ARF6: variants seen among roughly 807,000 people sequenced by gnomAD.
ARF6 encodes the protein ARF GTPase 6, also known as ADP-ribosylation factor 6.
For missense variants in ARF6, 75 were observed against 232.0 expected (o/e 0.32, Z 4.40); for synonymous variants, 127 against 95.5 (o/e 1.33, Z -1.92).
chr14:49,893,952 G>A lies in ARF6; in HGVS notation c.216G>A (p.Pro72=). 1 of 1,614,232 alleles carries A rather than the reference G, an allele frequency of 6.2e-7. No homozygotes were observed. Among genetic ancestry groups the A allele is most frequent in the Non-Finnish European group, 8.5e-7 (1 of 1,180,040 alleles). The change falls in exon 2 of 2, where the codon CCG becomes CCA. Residue 72 remains proline, a synonymous_variant. Transcript: ENST00000298316. ...TGGGCGGCCAGGACAAGATCCGGCC[G>A]CTCTGGCGGCATTACTACACTGGGA... The part of the protein sequence containing the change: ...WDVGGQDKIR[P]LWRHYYTGTQ...
chr14:49,895,962 G>A lies in ARF6; in HGVS notation c.*1698G>A, dbSNP rs1424607385. ...AGGTGGAGTGGGTTTTGTTTATGAG[G>A]GTGTCTGAAAACTAAAATTGAGCGG... On this transcript the variant is annotated 3_prime_UTR_variant, in exon 2 of 2. Transcript: ENST00000298316. 3.0e-5 allele frequency: 5 copies of A among 166,918 alleles called. No individual in the cohort carries two copies. The highest frequency in any genetic ancestry group is 7.3e-5 in the Non-Finnish European group (5 of 68,092). 10.3% of individuals were successfully genotyped at this position (166,918 alleles called of 1,614,324 possible).
At position 49,894,243 on chromosome 14, in the gene ARF6, A is replaced by C; in HGVS notation, c.507A>C (p.Leu169Phe). The C allele has an allele frequency of 1.2e-6, 2 of 1,612,498 alleles. No homozygotes were observed. Among genetic ancestry groups the C allele is most frequent in the Non-Finnish European group, 1.7e-6 (2 of 1,178,806 alleles). Residue 169 changes from leucine to phenylalanine, a missense_variant, in exon 2 of 2, where the codon TTA becomes TTC. By Grantham distance (22) the Leu-to-Phe change is conservative. Transcript: ENST00000298316. Reference protein sequence around the residue: ...GDGLYEGLTWLTSNYKS With the variant: ...GDGLYEGLTWFTSNYKS The stretch of plus-strand genomic sequence containing the variant: ...GACTCTATGAGGGGCTCACATGGTT[A>C]ACCTCTAACTACAAATCTTAATGAG...
rs555505994 is a variant in ARF6 at position 49,895,912 on chromosome 14, G to A, written c.*1648G>A. On this transcript the variant is annotated 3_prime_UTR_variant, in exon 2 of 2. Coordinates refer to ENST00000298316, the MANE Select transcript of ARF6 (RefSeq NM_001663.4). ...TTAAATAGGGAATTTCAGAAATGTA[G>A]ACTGCAAAGGCAGTATACAGGAAAA... is the stretch of plus-strand genomic sequence containing the variant. 6.0e-6 allele frequency: 1 copy of A among 167,134 alleles called. No homozygotes were observed. Among genetic ancestry groups the A allele is most frequent in the East Asian group, 1.9e-4 (1 of 5,194 alleles). 10.4% of individuals were successfully genotyped at this position (167,134 alleles called of 1,614,324 possible). A position where few individuals can be genotyped will look rare whatever the true frequency, so the allele number is the denominator to read the frequency against.
Position 49,893,133 on chromosome 14 carries a change from C to A in ARF6, c.-506C>A, listed in dbSNP as rs1038671389. On this transcript the variant is annotated 5_prime_UTR_variant, in exon 1 of 2. Coordinates refer to ENST00000298316, the MANE Select transcript of ARF6 (RefSeq NM_001663.4). The stretch of plus-strand genomic sequence containing the variant: ...AGGAGGAGTTGGAGGCCGGAGGGAG[C>A]CCGCGCTCGGGGCGGCGGCTGGAGG... 1.3e-5 allele frequency: 2 copies of A among 152,946 alleles called. No individual in the cohort carries two copies. The highest frequency in any genetic ancestry group is 2.9e-5 in the Non-Finnish European group (2 of 68,698). 9.5% of individuals were successfully genotyped at this position (152,946 alleles called of 1,614,324 possible).
rs750486060 is a variant in ARF6 at position 49,894,993 on chromosome 14, ACAT to A, written c.*733_*735del. On this transcript the variant is annotated 3_prime_UTR_variant, in exon 2 of 2. Coordinates refer to ENST00000298316, the MANE Select transcript of ARF6 (RefSeq NM_001663.4). ...AATGTCAGCAAGTAAGTTCTGAAACACATCATGCATGAGTAGGAATAAAACCCA... is the reference window on the plus strand; with the variant it reads ...AATGTCAGCAAGTAAGTTCTGAAACACATGCATGAGTAGGAATAAAACCCA... The A allele has an allele frequency of 1.0e-4, 17 of 167,140 alleles. No homozygotes were observed. Among genetic ancestry groups the A allele is most frequent in the Non-Finnish European group, 1.5e-5 (1 of 68,146 alleles). The allele number at this position is 167,140 out of a possible 1,614,324, so 10.4% of individuals were successfully genotyped here.
At position 49,894,842 on chromosome 14, in the gene ARF6, A is replaced by G. The variant is rs1166793036; in HGVS notation, c.*578A>G. The G allele has an allele frequency of 6.0e-6, 1 of 167,122 alleles. No homozygotes were observed. The highest frequency in any genetic ancestry group is 2.4e-5 in the African/African-American group (1 of 41,396). The allele number at this position is 167,122 out of a possible 1,614,324, so 10.4% of individuals were successfully genotyped here. A position where few individuals can be genotyped will look rare whatever the true frequency, so the allele number is the denominator to read the frequency against. On this transcript the variant is annotated 3_prime_UTR_variant, in exon 2 of 2. Transcript: ENST00000298316. ...ATGAGTTCTAACTTAGTAATTTCAAATGTGACCTTTTATATCTAAGACCAG... is the reference window on the plus strand; with the variant it reads ...ATGAGTTCTAACTTAGTAATTTCAAGTGTGACCTTTTATATCTAAGACCAG...
In ARF6 at chr14:49,893,606, A is replaced by G; in HGVS notation, c.-131A>G. On this transcript the variant is annotated 5_prime_UTR_variant, in exon 2 of 2. Transcript: ENST00000298316. ...GCCTGGGCCTCTGCCCTTAGGAGGC[A>G]ACTCCCACGCAGGCCGCAAAGGCGC... The G allele has an allele frequency of 1.7e-6, 2 of 1,162,728 alleles. No homozygotes were observed. Among genetic ancestry groups the G allele is most frequent in the Non-Finnish European group, 2.4e-6 (2 of 817,850 alleles). 72.0% of individuals were successfully genotyped at this position (1,162,728 alleles called of 1,614,324 possible). A position where few individuals can be genotyped will look rare whatever the true frequency, so the allele number is the denominator to read the frequency against.
rs1894485461 is a variant in ARF6 at position 49,893,946 on chromosome 14, C to T, written c.210C>T (p.Ile70=). Residue 70 remains isoleucine (I), a synonymous_variant, in exon 2 of 2, where the codon ATC becomes ATT. Transcript: ENST00000298316. ...GGGATGTGGGCGGCCAGGACAAGATCCGGCCGCTCTGGCGGCATTACTACA... is the reference window on the plus strand; with the variant it reads ...GGGATGTGGGCGGCCAGGACAAGATTCGGCCGCTCTGGCGGCATTACTACA... ...NVWDVGGQDK[I]RPLWRHYYTG... is the part of the protein sequence containing the mutation. 6.2e-7 allele frequency: 1 copy of T among 1,614,086 alleles called. No homozygotes were observed. The highest frequency in any genetic ancestry group is 8.5e-7 in the Non-Finnish European group (1 of 1,180,048).
At position 49,893,728 on chromosome 14, in the gene ARF6, T is replaced by C; in HGVS notation, c.-9T>C. The C allele has an allele frequency of 6.2e-7, 1 of 1,607,078 alleles. No individual in the cohort carries two copies. The highest frequency in any genetic ancestry group is 8.5e-7 in the Non-Finnish European group (1 of 1,174,076). On this transcript the variant is annotated 5_prime_UTR_variant, in exon 2 of 2. Transcript: ENST00000298316. ...CCTGAATGCCCCCGGCCCCGGCTCC[T>C]CCGACGCGATGGGGAAGGTGCTATC... is the stretch of plus-strand genomic sequence containing the variant.
chr14:49,894,937 T>G lies in ARF6; in HGVS notation c.*673T>G, dbSNP rs765774598. The G allele has an allele frequency of 3.6e-5, 6 of 167,144 alleles. No individual in the cohort carries two copies. The highest frequency in any genetic ancestry group is 6.5e-5 in the Admixed American group (1 of 15,278). The allele number at this position is 167,144 out of a possible 1,614,324, so 10.4% of individuals were successfully genotyped here. Reference sequence around the variant, plus strand: ...AATATGTTCCAGTTGCACCTCAGTATGTTAAACAGGTAATGTAAGAAGTTC... The same window carrying G: ...AATATGTTCCAGTTGCACCTCAGTAGGTTAAACAGGTAATGTAAGAAGTTC... On this transcript the variant is annotated 3_prime_UTR_variant, in exon 2 of 2. Transcript: ENST00000298316.
rs1239436704 is a variant in ARF6 at position 49,893,596 on chromosome 14, C to T, written c.-141C>T. On this transcript the variant is annotated 5_prime_UTR_variant, in exon 2 of 2. Coordinates refer to ENST00000298316, the MANE Select transcript of ARF6 (RefSeq NM_001663.4). ...TGAGCGGGGGGCCTGGGCCTCTGCC[C>T]TTAGGAGGCAACTCCCACGCAGGCC... The T allele has an allele frequency of 3.8e-6, 4 of 1,050,534 alleles. No homozygotes were observed. Among genetic ancestry groups the T allele is most frequent in the Non-Finnish European group, 5.5e-6 (4 of 721,200 alleles). 65.1% of individuals were successfully genotyped at this position (1,050,534 alleles called of 1,614,324 possible). A position where few individuals can be genotyped will look rare whatever the true frequency, so the allele number is the denominator to read the frequency against.
At position 49,894,409 on chromosome 14, in the gene ARF6, G is replaced by C; in HGVS notation, c.*145G>C. 1.2e-6 allele frequency: 1 copy of C among 802,352 alleles called. No homozygotes were observed. The highest frequency in any genetic ancestry group is 2.6e-5 in the South Asian group (1 of 38,240). 49.7% of individuals were successfully genotyped at this position (802,352 alleles called of 1,614,324 possible). A position where few individuals can be genotyped will look rare whatever the true frequency, so the allele number is the denominator to read the frequency against. The stretch of plus-strand genomic sequence containing the variant: ...TACTGTTCTACAGTTTGGCGGGGAC[G>C]GGGCTTGGGGGTTTTCTCTTTTGTT... On this transcript the variant is annotated 3_prime_UTR_variant, in exon 2 of 2. Coordinates refer to ENST00000298316, the MANE Select transcript of ARF6 (RefSeq NM_001663.4).
chr14:49,894,368 A>G lies in ARF6; in HGVS notation c.*104A>G. 8.1e-7 allele frequency: 1 copy of G among 1,240,996 alleles called. No homozygotes were observed. The highest frequency in any genetic ancestry group is 1.1e-6 in the Non-Finnish European group (1 of 906,026). The allele number at this position is 1,240,996 out of a possible 1,614,324, so 76.9% of individuals were successfully genotyped here. On this transcript the variant is annotated 3_prime_UTR_variant, in exon 2 of 2. Coordinates refer to ENST00000298316, the MANE Select transcript of ARF6 (RefSeq NM_001663.4). ...CAATTGCCACTTTCTCTTCTTTTGA[A>G]TTTGAACTCTGGAGTTACTGTTCTA...
chr14:49,894,320 A>G lies in ARF6; in HGVS notation c.*56A>G. The G allele has an allele frequency of 1.3e-6, 2 of 1,481,484 alleles. No homozygotes were observed. Among genetic ancestry groups the G allele is most frequent in the Non-Finnish European group, 1.8e-6 (2 of 1,104,458 alleles). 91.8% of individuals were successfully genotyped at this position (1,481,484 alleles called of 1,614,324 possible). A position where few individuals can be genotyped will look rare whatever the true frequency, so the allele number is the denominator to read the frequency against. On this transcript the variant is annotated 3_prime_UTR_variant, in exon 2 of 2. Transcript: ENST00000298316. ...GAGAAATCAAAAACCCATTCATAGG[A>G]TTATCGCCACCATCACCTCTTTCAA...
chr14:49,893,461 G>A lies in ARF6; in HGVS notation c.-276G>A, dbSNP rs2139187888. 1 of 346,164 alleles carries A rather than the reference G, an allele frequency of 2.9e-6. No individual in the cohort carries two copies. The highest frequency in any genetic ancestry group is 5.2e-6 in the Non-Finnish European group (1 of 191,646). The allele number at this position is 346,164 out of a possible 1,614,324, so 21.4% of individuals were successfully genotyped here. On this transcript the variant is annotated 5_prime_UTR_variant, in exon 2 of 2. Transcript: ENST00000298316. The stretch of plus-strand genomic sequence containing the variant: ...CGCGGCGCCTGCGGGGGGAAGGGCA[G>A]TTCCGGGCCGGGCCGCGCCTCAGCA...
chr14:49,893,973 T>C lies in ARF6; in HGVS notation c.237T>C (p.Thr79=), dbSNP rs749008836. The C allele has an allele frequency of 1.1e-5, 18 of 1,614,108 alleles. No individual in the cohort carries two copies. Among genetic ancestry groups the C allele is most frequent in the Non-Finnish European group, 1.4e-5 (16 of 1,180,052 alleles). The change falls in exon 2 of 2, where the codon ACT becomes ACC. Residue 79 remains threonine, a synonymous_variant. Coordinates refer to ENST00000298316, the MANE Select transcript of ARF6 (RefSeq NM_001663.4). The stretch of plus-strand genomic sequence containing the variant: ...GGCCGCTCTGGCGGCATTACTACAC[T>C]GGGACCCAAGGTCTCATCTTCGTAG... ...KIRPLWRHYY[T]GTQGLIFVVD...
In ARF6 at chr14:49,893,736, G is replaced by A. The variant is rs1340826321; in HGVS notation, c.-1G>A. 21 of 1,607,930 alleles carry A rather than the reference G, an allele frequency of 1.3e-5. No individual in the cohort carries two copies. Among genetic ancestry groups the A allele is most frequent in the Non-Finnish European group, 1.7e-5 (20 of 1,174,838 alleles). On this transcript the variant is annotated 5_prime_UTR_variant, in exon 2 of 2. Coordinates refer to ENST00000298316, the MANE Select transcript of ARF6 (RefSeq NM_001663.4). ...CCCCCGGCCCCGGCTCCTCCGACGC[G>A]ATGGGGAAGGTGCTATCCAAAATCT... is the stretch of plus-strand genomic sequence containing the variant.
rs1291167752 is a variant in ARF6, at chr14:49,894,468, T to A, written c.*204T>A. ...TTTCTTTTTCCTTTTTTTTTTTTTT[T>A]TTTTTTTGTTGGCTTTGCGTTAGGA... On this transcript the variant is annotated 3_prime_UTR_variant, in exon 2 of 2. Transcript: ENST00000298316. 2 of 558,750 alleles carry A rather than the reference T, an allele frequency of 3.6e-6. No homozygotes were observed. Among genetic ancestry groups the A allele is most frequent in the Admixed American group, 7.1e-5 (2 of 28,292 alleles). 34.6% of individuals were successfully genotyped at this position (558,750 alleles called of 1,614,324 possible). A position where few individuals can be genotyped will look rare whatever the true frequency, so the allele number is the denominator to read the frequency against.
In ARF6 at chr14:49,896,421, G is replaced by A. The variant is rs1457428113; in HGVS notation, c.*2157G>A. 1 of 166,960 alleles carries A rather than the reference G, an allele frequency of 6.0e-6. No individual in the cohort carries two copies. The highest frequency in any genetic ancestry group is 1.9e-4 in the East Asian group (1 of 5,192). 10.3% of individuals were successfully genotyped at this position (166,960 alleles called of 1,614,324 possible). A position where few individuals can be genotyped will look rare whatever the true frequency, so the allele number is the denominator to read the frequency against. On this transcript the variant is annotated 3_prime_UTR_variant, in exon 2 of 2. Transcript: ENST00000298316. ...CATCCTGAAACAAAACAAGCACAAA[G>A]GTATAAATGCCTAAACTGGAGGAAA...
Sources: gnomAD v4.1 joint callset for allele counts on GRCh38, gnomAD v4.1.1 for gene constraint, MANE v1.5 for transcripts, NCBI Gene and HGNC (gene_info 2026-07-23, HGNC 2026-07-21) for gene names.